The following PTCD1 variants were observed in gnomAD, a reference collection of about 807,000 sequenced individuals.
The protein encoded by PTCD1 is pentatricopeptide repeat-containing protein 1, mitochondrial.
PTCD1 carries 50 observed loss-of-function variants against 53.4 expected under a neutral mutation model. The ratio of observed to expected loss-of-function variants is 0.94; its 90% confidence interval spans 0.75 to 1.19. PTCD1 has a LOEUF of 1.19. Among genes scored for constraint, PTCD1 ranks in the 50% most tolerant of loss-of-function variants. The pLI, the probability that PTCD1 is intolerant of heterozygous loss-of-function variation, is 0.00. For synonymous variants in PTCD1, 413 were observed against 394.8 expected (o/e 1.05, Z -0.55); for missense variants, 918 against 904.8 (o/e 1.01, Z -0.19).
In PTCD1 at chr7:99,417,523, G is replaced by C. The variant is rs1795568706; in HGVS notation, c.*2444C>G. On this transcript the variant is annotated 3_prime_UTR_variant, in exon 8 of 8. Transcript: ENST00000292478. ...GATATGAGAACTTGTGCTGCCTGCGGTGCATTCAGACACGGGACACCAACT... is the reference window on the plus strand; with the variant it reads ...GATATGAGAACTTGTGCTGCCTGCGCTGCATTCAGACACGGGACACCAACT... The C allele has an allele frequency of 6.2e-7, 1 of 1,611,972 alleles. No individual in the cohort carries two copies. The highest frequency in any genetic ancestry group is 8.5e-7 in the Non-Finnish European group (1 of 1,178,440).
chr7:99,437,635 G>T (rs760839080), intron 1 of PTCD1, among the ~76,000 whole-genome samples: 10 of 152,074 alleles, frequency 6.6e-5, no homozygotes, highest in Non-Finnish European at 1.3e-4. Flanking sequence ...AGTAATAAAT[G>T]TAAGTGACAG....
intron 3 of PTCD1, among the ~76,000 whole-genome samples, chr7:99,431,725 A>G (rs1299039905): frequency 6.6e-6 from 1 of 152,164 alleles, no homozygotes; most frequent in Non-Finnish European, 1.5e-5. Context: ...TGGGCGACAG[A>G]GCGAGACTCT....
chr7:99,433,228 G>A (rs770672327), intron 3 of PTCD1, 50 bp downstream of exon 3: 49 of 1,613,666 alleles, frequency 3.0e-5, no homozygotes, highest in Middle Eastern at 1.6e-4. Flanking sequence ...CTTGGGATCC[G>A]CCCCCAGCTT....
At chr7:99,422,266 C>G (rs879274031) in intron 7 of PTCD1, among the ~76,000 whole-genome samples, 1 of 152,186 alleles carries the variant, frequency 6.6e-6, no homozygotes, top group Non-Finnish European at 1.5e-5. Context: ...GACACCTGCA[C>G]GGCGTTCCTG....
chr7:99,424,957 C>A lies in PTCD1; in HGVS notation c.1575G>T (p.Thr525=). 6.2e-7 allele frequency: 1 copy of A among 1,614,256 alleles called. No homozygotes were observed. Among genetic ancestry groups the A allele is most frequent in the South Asian group, 1.1e-5 (1 of 91,082 alleles). ...CCAGCTTGCTCTTCTTTCTCACCAG[C>A]GTGTTAAAGAATGTCAGGTCGGCCT... is the stretch of plus-strand genomic sequence containing the variant. The part of the protein sequence containing the change: ...QVEADLTFFN[T]LVRKKSKLGD... The change falls in exon 6 of 8, where the codon ACG becomes ACT. Residue 525 remains threonine, a synonymous_variant. Coordinates refer to ENST00000292478, the MANE Select transcript of PTCD1 (RefSeq NM_015545.4).
chr7:99,420,768 C>T (rs1795772572), intron 7 of PTCD1, among the ~76,000 whole-genome samples: 1 of 152,064 alleles, frequency 6.6e-6, no homozygotes, highest in Non-Finnish European at 1.5e-5. Context: ...ACCAGCCTGG[C>T]CAGCATGGTG....
chr7:99,433,303 T>C lies in PTCD1; in HGVS notation c.569A>G (p.Lys190Arg), dbSNP rs111989725. 1.8e-4 allele frequency: 286 copies of C among 1,614,164 alleles called. 2 individuals are homozygous for C. In the African/African-American group the frequency reaches 2.3e-3, roughly 13 times the overall value. ...CTGGTTGTAGAGGTTGAAGGCCTTC[T>C]TCAGGTAGCCAACCCGCCCGCAGCC... The part of the protein sequence containing the change: ...IGGCGRVGYL[K>R]KAFNLYNQMK... The change falls in exon 3 of 8, where the codon AAG (lysine) becomes AGG (arginine). Residue 190 changes from lysine (K) to arginine (R), a missense_variant. Coordinates refer to ENST00000292478, the MANE Select transcript of PTCD1 (RefSeq NM_015545.4).
intron 5 of PTCD1, among the ~76,000 whole-genome samples, chr7:99,426,891 G>T (rs1170311175): frequency 6.7e-6 from 1 of 149,382 alleles, no homozygotes; most frequent in Non-Finnish European, 1.5e-5. Context: ...GGTGAGGAGC[G>T]TCTCTGCCCG....
In PTCD1 at chr7:99,429,118, G is replaced by C; in HGVS notation, c.900C>G (p.Phe300Leu). 6.2e-7 allele frequency: 1 copy of C among 1,614,168 alleles called. No individual in the cohort carries two copies. Residue 300 changes from phenylalanine to leucine, a missense_variant, in exon 5 of 8, where the codon TTC (phenylalanine) becomes TTG (leucine). By Grantham distance (22) the Phe-to-Leu change is conservative. Coordinates refer to ENST00000292478, the MANE Select transcript of PTCD1 (RefSeq NM_015545.4). ...MGCIQDKKTG[F>L]RYALQVWRLM... is the part of the protein sequence containing the mutation. ...AGGGACATACCTGGAGGGCGTACCG[G>C]AAGCCTGTCTTCTTGTCTTGGATGC... is the stretch of plus-strand genomic sequence containing the variant.
At chr7:99,422,187 T>C (rs1013944172) in intron 7 of PTCD1, among the ~76,000 whole-genome samples, 1 of 152,238 alleles carries the variant, frequency 6.6e-6, no homozygotes. Flanking sequence ...AGCTATGCCT[T>C]CAGCCAGACA....
intron 1 of PTCD1, among the ~76,000 whole-genome samples, chr7:99,437,065 CTA>C (rs1442300223): frequency 6.6e-6 from 1 of 152,176 alleles, no homozygotes; most frequent in Non-Finnish European, 1.5e-5. Flanking sequence ...TGGAGTCTCC[CTA>C]TGTTGCCAGG....
In PTCD1 at chr7:99,417,801, A is replaced by T. The variant is rs892841514; in HGVS notation, c.*2166T>A. The T allele has an allele frequency of 6.6e-7, 1 of 1,514,758 alleles. No homozygotes were observed. The highest frequency in any genetic ancestry group is 8.8e-7 in the Non-Finnish European group (1 of 1,136,498). 93.8% of individuals were successfully genotyped at this position (1,514,758 alleles called of 1,614,324 possible). A position where few individuals can be genotyped will look rare whatever the true frequency, so the allele number is the denominator to read the frequency against. On this transcript the variant is annotated 3_prime_UTR_variant, in exon 8 of 8. Transcript: ENST00000292478. ...CTGTGTGTTTGTTAGGTCTGGGGTC[A>T]ATCTCAACTCCACTTTTGGGCAAAT... is the stretch of plus-strand genomic sequence containing the variant.
At chr7:99,438,124 T>C (rs1487837186) in intron 1 of PTCD1, among the ~76,000 whole-genome samples, 2 of 151,950 alleles carry the variant, frequency 1.3e-5, no homozygotes, top group Non-Finnish European at 2.9e-5. Flanking sequence ...CCCACCCTGG[T>C]TAAAAAAAAC....
Position 99,438,771 on chromosome 7 carries a change from C to A in PTCD1, c.-106G>T, listed in dbSNP as rs1018653769. ...CGAACCAGTCTCTTCCTCGGGTCCC[C>A]CTCTCCCCAAGCGCGCAGGCGCAAT... On this transcript the variant is annotated 5_prime_UTR_variant, in exon 1 of 8. Transcript: ENST00000292478. The A allele has an allele frequency of 3.7e-6, 5 of 1,361,308 alleles. No individual in the cohort carries two copies. The highest frequency in any genetic ancestry group is 4.8e-6 in the Non-Finnish European group (5 of 1,036,794). The allele number at this position is 1,361,308 out of a possible 1,614,324, so 84.3% of individuals were successfully genotyped here. A position where few individuals can be genotyped will look rare whatever the true frequency, so the allele number is the denominator to read the frequency against.
intron 1 of PTCD1, chr7:99,438,483 G>T (rs1201974277): frequency 9.3e-7 from 1 of 1,079,826 alleles, no homozygotes; most frequent in Admixed American, 5.8e-5. Context: ...GACACGCTGC[G>T]GCCGTCCTTC....
In PTCD1 at chr7:99,417,650, T is replaced by C. The variant is rs1795578549; in HGVS notation, c.*2317A>G. The C allele has an allele frequency of 2.0e-5, 32 of 1,599,644 alleles. No individual in the cohort carries two copies. The highest frequency in any genetic ancestry group is 2.5e-5 in the Non-Finnish European group (29 of 1,178,300). On this transcript the variant is annotated 3_prime_UTR_variant, in exon 8 of 8. Coordinates refer to ENST00000292478, the MANE Select transcript of PTCD1 (RefSeq NM_015545.4). The stretch of plus-strand genomic sequence containing the variant: ...TTTTCAGCTCAAAATTCTGCCTTAG[T>C]CGACTGCAAGGGATCTTATGTTATT...
chr7:99,438,353 G>A (rs1465181749), intron 1 of PTCD1, among the ~76,000 whole-genome samples: 2 of 150,714 alleles, frequency 1.3e-5, no homozygotes, highest in Non-Finnish European at 2.9e-5. Flanking sequence ...TGTAGTTCCA[G>A]CTACTCGGGA....
chr7:99,430,479 G>A (rs1796212335), intron 3 of PTCD1, among the ~76,000 whole-genome samples: 1 of 152,244 alleles, frequency 6.6e-6, no homozygotes, highest in Non-Finnish European at 1.5e-5. Flanking sequence ...GCGGCAGAAA[G>A]AACCCTGCTA....
chr7:99,426,203 C>T (rs1457414085), intron 5 of PTCD1, among the ~76,000 whole-genome samples: 1 of 91,778 alleles, frequency 1.1e-5, no homozygotes, highest in African/African-American at 1.7e-4. Flanking sequence ...CCACGGTCTC[C>T]CTCTCCCTCT....
Sources: gnomAD v4.1 joint callset for allele counts (sites outside exome capture counted in the v4.1 genomes callset) on GRCh38, gnomAD v4.1.1 for gene constraint, MANE v1.5 for transcripts, NCBI Gene and HGNC (gene_info 2026-07-23, HGNC 2026-07-21) for gene names.